The following NPAS3 variants were observed in gnomAD, a reference collection of about 807,000 sequenced individuals.
NPAS3 encodes the protein neuronal PAS domain-containing protein 3.
In NPAS3, 14 loss-of-function variants were observed where a neutral mutation model predicts 73.1. The ratio of observed to expected loss-of-function variants is 0.19; its 90% CI spans 0.13 to 0.30. The LOEUF (loss-of-function observed/expected upper bound fraction) is 0.30. Among genes scored for constraint, NPAS3 ranks in the 10% least tolerant of loss-of-function variants. NPAS3 has a pLI of 1.00. For synonymous variants in NPAS3, 620 were observed against 541.5 expected (o/e 1.14, Z -2.01); for missense variants, 1,096 against 1,250.0 (o/e 0.88, Z 1.86).
At chr14:33,497,338 G>GA (rs1235585375) in intron 4 of NPAS3, among the ~76,000 whole-genome samples, 1 of 152,034 alleles carries the variant, frequency 6.6e-6, no homozygotes, top group Non-Finnish European at 1.5e-5. Flanking sequence ...CACAGAACTA[G>GA]AAAAAACTAC....
At chr14:32,971,101 T>TG (rs1231545449) in intron 1 of NPAS3, among the ~76,000 whole-genome samples, 20 of 151,562 alleles carry the variant, frequency 1.3e-4, no homozygotes, top group Admixed American at 1.3e-3. Context: ...TTTTTTTTTT[T>TG]TGAGACAGGG....
At chr14:32,947,508 A>G (rs924718529) in intron 1 of NPAS3, among the ~76,000 whole-genome samples, 19 of 152,162 alleles carry the variant, frequency 1.2e-4, no homozygotes, top group Admixed American at 1.2e-3. Flanking sequence ...TATATATTCT[A>G]TTCAGGTATA....
chr14:33,373,384 ATATG>A (rs1267825329), intron 4 of NPAS3, among the ~76,000 whole-genome samples: 34 of 108,988 alleles, frequency 3.1e-4, no homozygotes, highest in Admixed American at 6.4e-4. Flanking sequence ...ATATTGAACT[ATATG>A]TGTGTGTGTG....
intron 2 of NPAS3, among the ~76,000 whole-genome samples, chr14:33,196,505 T>C (rs530276337): frequency 2.6e-5 from 4 of 152,224 alleles, no homozygotes; most frequent in African/African-American, 4.8e-5. Context: ...TTCTGGCTCA[T>C]GTGAGGATCT....
At chr14:33,721,641 A>C (rs1292667561) in intron 6 of NPAS3, among the ~76,000 whole-genome samples, 2 of 152,190 alleles carry the variant, frequency 1.3e-5, no homozygotes, top group East Asian at 3.8e-4. Context: ...CTCTATGTCA[A>C]GTATTTTATG....
intron 7 of NPAS3, among the ~76,000 whole-genome samples, chr14:33,741,116 G>A (rs1378910607): frequency 1.3e-5 from 2 of 152,096 alleles, no homozygotes; most frequent in Non-Finnish European, 2.9e-5. Context: ...GTCTCCTCCT[G>A]CTCCCAGACA....
chr14:33,446,096 C>T (rs1433380994), intron 4 of NPAS3, among the ~76,000 whole-genome samples: 1 of 151,848 alleles, frequency 6.6e-6, no homozygotes, highest in Non-Finnish European at 1.5e-5. Context: ...ATCAACCCCA[C>T]TGAAATCTTT....
At chr14:33,345,400 T>C (rs1456031289) in intron 3 of NPAS3, among the ~76,000 whole-genome samples, 1 of 152,208 alleles carries the variant, frequency 6.6e-6, no homozygotes, top group Non-Finnish European at 1.5e-5. Flanking sequence ...AGGTCATAGA[T>C]ATTATGGAAG....
chr14:33,621,522 CTAATTT>C (rs1394825934), intron 5 of NPAS3, among the ~76,000 whole-genome samples: 1 of 152,116 alleles, frequency 6.6e-6, no homozygotes, highest in Non-Finnish European at 1.5e-5. Context: ...ATGGAGGAAT[CTAATTT>C]TATTAACTAT....
intron 5 of NPAS3, among the ~76,000 whole-genome samples, chr14:33,622,656 T>C (rs2058108508): frequency 6.6e-6 from 1 of 152,220 alleles, no homozygotes; most frequent in Admixed American, 6.5e-5. Context: ...CCCATCCAGA[T>C]TGCAGCTCAG....
chr14:32,998,676 C>A (rs535667300), intron 1 of NPAS3, among the ~76,000 whole-genome samples: 3 of 152,310 alleles, frequency 2.0e-5, no homozygotes, highest in African/African-American at 7.2e-5. Flanking sequence ...CTTTTCCTTC[C>A]CCTGTAGTTT....
At chr14:33,464,411 T>C (rs1183109639) in intron 4 of NPAS3, among the ~76,000 whole-genome samples, 1 of 152,166 alleles carries the variant, frequency 6.6e-6, no homozygotes, top group Non-Finnish European at 1.5e-5. Context: ...TTGAAATAGC[T>C]CCCTCCTGGC....
At chr14:33,066,126 G>T (rs2041270268) in intron 2 of NPAS3, among the ~76,000 whole-genome samples, 1 of 152,226 alleles carries the variant, frequency 6.6e-6, no homozygotes, top group South Asian at 2.1e-4. Context: ...TCCCTTAACT[G>T]CCTGATGGCT....
intron 7 of NPAS3, among the ~76,000 whole-genome samples, chr14:33,744,586 A>C (rs1006073721): frequency 6.6e-6 from 1 of 151,940 alleles, no homozygotes; most frequent in South Asian, 2.1e-4. Flanking sequence ...TCAGGAGTTC[A>C]AGACCAGCCT....
chr14:33,425,038 G>A (rs947947963), intron 4 of NPAS3, among the ~76,000 whole-genome samples: 3 of 152,000 alleles, frequency 2.0e-5, no homozygotes, highest in African/African-American at 7.2e-5. Context: ...GGAGGATAAT[G>A]CCAGTGCCAT....
intron 4 of NPAS3, among the ~76,000 whole-genome samples, chr14:33,534,340 G>C (rs2054170035): frequency 6.6e-6 from 1 of 152,064 alleles, no homozygotes; most frequent in South Asian, 2.1e-4. Flanking sequence ...GAATGGGCCT[G>C]ATTTGTATAC....
chr14:33,722,205 A>G (rs534809056), intron 6 of NPAS3, among the ~76,000 whole-genome samples: 3 of 152,338 alleles, frequency 2.0e-5, no homozygotes, highest in African/African-American at 7.2e-5. Flanking sequence ...TTGGAAAGCT[A>G]TATTTGAAGA....
chr14:33,126,448 A>G (rs2043429243), intron 2 of NPAS3, among the ~76,000 whole-genome samples: 1 of 152,006 alleles, frequency 6.6e-6, no homozygotes, highest in African/African-American at 2.4e-5. Flanking sequence ...AGATCCCCAG[A>G]TATTACTCTG....
intron 1 of NPAS3, among the ~76,000 whole-genome samples, chr14:33,054,847 C>T (rs1566509693): frequency 6.6e-6 from 1 of 152,040 alleles, no homozygotes; most frequent in Admixed American, 6.6e-5. Context: ...CTCCTGACCT[C>T]GTGATCCGCC....
Sources: allele counts gnomAD v4.1 joint callset (sites outside exome capture counted in the v4.1 genomes callset), GRCh38; gene constraint gnomAD v4.1.1; transcripts MANE v1.5; gene names NCBI Gene and HGNC (gene_info 2026-07-23, HGNC 2026-07-21).